The following ASPG variants were observed in gnomAD, a reference collection of about 807,000 sequenced individuals.
ASPG encodes asparaginase.
Under a neutral mutation model 63.2 loss-of-function variants are expected in ASPG, and 53 were observed. The observed-to-expected ratio is 0.84, with a 90% CI of 0.67 to 1.05. The LOEUF (loss-of-function observed/expected upper bound fraction) is 1.05. Ranked by LOEUF, ASPG falls within the 50% of genes least tolerant of loss-of-function variation. The pLI, the probability that ASPG is intolerant of heterozygous loss-of-function variation, is 0.00. For synonymous variants in ASPG, 370 were observed against 355.0 expected, an observed-to-expected ratio of 1.04 and a Z score of -0.48; for missense variants, 741 against 794.4, an observed-to-expected ratio of 0.93 and a Z score of 0.81.
chr14:104,109,088 G>A lies in ASPG; in HGVS notation c.1434-141G>A, dbSNP rs1002862328. On this transcript the variant is annotated intron_variant, in intron 12 of 15. Coordinates refer to ENST00000551177, the MANE Select transcript of ASPG (RefSeq NM_001080464.3). This position sits in a 1 kb window ranked among gnomAD's most constrained non-coding sequence, Gnocchi z 4.8. ...GCAGAGGATGGGGGGATGGGCCCTT[G>A]TCTGAGGCTAGGGCTGTGGGGTCTT... The A allele has an allele frequency of 3.2e-5, 47 of 1,482,008 alleles. 1 individual carries two copies. The African/African-American group carries it at 6.3e-4, about 20-fold the overall frequency. The allele number at this position is 1,482,008 out of a possible 1,614,324, so 91.8% of individuals were successfully genotyped here. A position where few individuals can be genotyped will look rare whatever the true frequency, so the allele number is the denominator to read the frequency against.
intron 10 of ASPG, 44 bp from the exon 11 acceptor site, chr14:104,106,755 C>T (rs1014326784): frequency 5.3e-6 from 8 of 1,519,314 alleles, no homozygotes; most frequent in Non-Finnish European, 7.1e-6. Context: ...CCACCAGATG[C>T]CAAAGGGAGG....
rs372396616 is a variant in ASPG at position 104,107,191 on chromosome 14, C to T, written c.1279C>T (p.Leu427=). The stretch of plus-strand genomic sequence containing the variant: ...CCTTGTGTTACTCCAGGGCAGTGAC[C>T]TGGGCCTGGTGGACTTTAACGGCCA... ...LQALVELGSD[L]GLVDFNGQTP... The change falls in exon 12 of 16, where the codon CTG becomes TTG. Residue 427 remains leucine, a synonymous_variant. Coordinates refer to ENST00000551177, the MANE Select transcript of ASPG (RefSeq NM_001080464.3). The T allele has an allele frequency of 1.8e-5, 28 of 1,573,980 alleles. No individual in the cohort carries two copies. Among genetic ancestry groups the T allele is most frequent in the Non-Finnish European group, 2.3e-5 (27 of 1,158,538 alleles).
intron 6 of ASPG, among the ~76,000 whole-genome samples, chr14:104,101,483 C>T (rs1056441858): frequency 2.0e-5 from 3 of 151,840 alleles, no homozygotes; most frequent in African/African-American, 2.4e-5. Flanking sequence ...TGGGGGGATG[C>T]GTGGGAGGCT....
At chr14:104,093,441 G>C (rs780830984) in intron 2 of ASPG, 50 bp from the exon 3 acceptor site, 3 of 1,487,192 alleles carry the variant, frequency 2.0e-6, no homozygotes, top group Non-Finnish European at 2.8e-6. Flanking sequence ...GCAGGAGGAG[G>C]TGCAGAGCGG....
At position 104,104,493 on chromosome 14, in the gene ASPG, C is replaced by CCGGGAGATCAGGGCCTAG; in HGVS notation, c.936+12_936+29dup. The CCGGGAGATCAGGGCCTAG allele has an allele frequency of 6.2e-7, 1 of 1,610,888 alleles. No homozygotes were observed. The highest frequency in any genetic ancestry group is 8.5e-7 in the Non-Finnish European group (1 of 1,178,696). ...AGACTATGCAGCTGGCATGGTAGTGCCGGGAGATCAGGGCCTAGCGGGGAA... is the reference window on the plus strand; with the variant it reads ...AGACTATGCAGCTGGCATGGTAGTGCCGGGAGATCAGGGCCTAGCGGGAGATCAGGGCCTAGCGGGGAA... On this transcript the variant is annotated splice_region_variant and intron_variant, in intron 8 of 15. Transcript: ENST00000551177.
intron 13 of ASPG, chr14:104,111,172 CGT>C (rs564356572): frequency 5.1e-5 from 50 of 984,964 alleles, no homozygotes; most frequent in South Asian, 2.4e-4. Context: ...CACATATGCT[CGT>C]GTGTGTGTGC....
chr14:104,111,595 G>A lies in ASPG; in HGVS notation c.1614G>A (p.Leu538=). Residue 538 remains leucine, a synonymous_variant, in exon 14 of 16, where the codon CTG becomes CTA. Transcript: ENST00000551177. The part of the protein sequence containing the change: ...GQPGYDGHSA[L]HVAEAAGNLA... ...CGGGCTATGACGGGCACAGCGCCCT[G>A]CACGTCGTGAGTGCCCCCACCCCCT... 3 of 1,549,752 alleles carry A rather than the reference G, an allele frequency of 1.9e-6. No homozygotes were observed. The highest frequency in any genetic ancestry group is 2.6e-6 in the Non-Finnish European group (3 of 1,146,610).
intron 1 of ASPG, among the ~76,000 whole-genome samples, chr14:104,086,859 AC>A (rs973002199): frequency 6.6e-6 from 1 of 151,578 alleles, no homozygotes; most frequent in African/African-American, 2.4e-5. Context: ...CTCTCCTGGG[AC>A]GGCTGGGACC....
chr14:104,094,161 G>T (rs924936582), intron 3 of ASPG, among the ~76,000 whole-genome samples: 2 of 152,008 alleles, frequency 1.3e-5, no homozygotes, highest in African/African-American at 4.8e-5. Flanking sequence ...CTGGGGGTGG[G>T]CGTATAGGGC....
chr14:104,089,683 C>T (rs538018505), intron 1 of ASPG, among the ~76,000 whole-genome samples: 3 of 152,228 alleles, frequency 2.0e-5, no homozygotes, highest in South Asian at 4.1e-4. Context: ...GAAAAAGGAA[C>T]GTTTGGCCAG....
intron 6 of ASPG, among the ~76,000 whole-genome samples, chr14:104,101,101 T>TC (rs1295826632): frequency 6.6e-6 from 1 of 152,212 alleles, no homozygotes; most frequent in Admixed American, 6.5e-5. Context: ...CTAAGGCTGG[T>TC]CTGGGTGGGA....
At chr14:104,103,779 C>A (rs34878411) in intron 7 of ASPG, 104 bp downstream of exon 7, 1 of 954,004 alleles carries the variant, frequency 1.0e-6, no homozygotes, top group Non-Finnish European at 1.6e-6. Flanking sequence ...CCAGTGCAGA[C>A]CCCGCGTGGA....
rs2037420055 is a variant in ASPG, at chr14:104,112,936, C to T, written c.*392C>T. 3.2e-6 allele frequency: 1 copy of T among 316,500 alleles called. No homozygotes were observed. Among genetic ancestry groups the T allele is most frequent in the Non-Finnish European group, 6.1e-6 (1 of 162,914 alleles). 19.6% of individuals were successfully genotyped at this position (316,500 alleles called of 1,614,324 possible). On this transcript the variant is annotated 3_prime_UTR_variant, in exon 16 of 16. Coordinates refer to ENST00000551177, the MANE Select transcript of ASPG (RefSeq NM_001080464.3). ...CCCCTTCCTGCCACCCTGCCTTTGC[C>T]CAGGCTGGTCCCTCCTCCAGACACC...
rs746826930 is a variant in ASPG, at chr14:104,111,468, G to A, written c.1521-34G>A. The stretch of plus-strand genomic sequence containing the variant: ...GGGCAGATGGACAGGTGCCCAGCAG[G>A]CCCCAACAACTCCTCCTCTGCCCCC... On this transcript the variant is annotated intron_variant, in intron 13 of 15. Transcript: ENST00000551177. The A allele has an allele frequency of 1.2e-5, 18 of 1,513,806 alleles. No homozygotes were observed. In the Admixed American group the frequency reaches 3.0e-4, roughly 25 times the overall value. 93.8% of individuals were successfully genotyped at this position (1,513,806 alleles called of 1,614,324 possible). A position where few individuals can be genotyped will look rare whatever the true frequency, so the allele number is the denominator to read the frequency against.
chr14:104,087,926 A>G (rs575487453), intron 1 of ASPG, among the ~76,000 whole-genome samples: 1 of 152,272 alleles, frequency 6.6e-6, no homozygotes, highest in African/African-American at 2.4e-5. Flanking sequence ...GTGGGGCGTC[A>G]GTCTTCAGAC....
In ASPG at chr14:104,100,567, G is replaced by A. The variant is rs575503246; in HGVS notation, c.640+1588G>A. 7.9e-5 allele frequency among the ~76,000 whole-genome samples: 12 copies of A among 152,304 alleles called. No individual in the cohort carries two copies. The South Asian group carries it at 8.3e-4, about 11-fold the overall frequency. ...TCACACCCCGTCCCTTCTTCCTGCTGTTCCCTCCTGTCCTGGGCTCACACC... is the reference window on the plus strand; with the variant it reads ...TCACACCCCGTCCCTTCTTCCTGCTATTCCCTCCTGTCCTGGGCTCACACC... On this transcript the variant is annotated intron_variant, in intron 6 of 15. Coordinates refer to ENST00000551177, the MANE Select transcript of ASPG (RefSeq NM_001080464.3).
At chr14:104,092,546 C>T in intron 1 of ASPG, 87 bp from the exon 2 acceptor site, 5 of 1,117,272 alleles carry the variant, frequency 4.5e-6, no homozygotes, top group Non-Finnish European at 5.2e-6. Context: ...CCCATCCCAC[C>T]AGCTCTGGTC....
intron 10 of ASPG, among the ~76,000 whole-genome samples, chr14:104,106,396 G>C (rs934440768): frequency 2.0e-5 from 3 of 152,194 alleles, no homozygotes; most frequent in Non-Finnish European, 4.4e-5. Flanking sequence ...GCAGCCGTGG[G>C]AACAGGGCCT....
chr14:104,102,889 C>T (rs916995600), intron 6 of ASPG, among the ~76,000 whole-genome samples: 7 of 152,220 alleles, frequency 4.6e-5, no homozygotes, highest in Non-Finnish European at 7.3e-5. Flanking sequence ...CTGGGGCCTG[C>T]ACCTCCACCA....
Sources: gnomAD v4.1 joint callset for allele counts (sites outside exome capture counted in the v4.1 genomes callset) on GRCh38, gnomAD v4.1.1 for gene constraint, Gnocchi (gnomAD v3.1) non-coding constraint, MANE v1.5 for transcripts, NCBI Gene and HGNC (gene_info 2026-07-23, HGNC 2026-07-21) for gene names.